SEMA3E: variants seen among roughly 807,000 people sequenced by gnomAD.
SEMA3E encodes semaphorin 3E, also known as semaphorin-3E.
A neutral mutation model predicts 93.6 loss-of-function variants in SEMA3E; 49 were observed. That is an observed-to-expected ratio of 0.52 (90% confidence interval 0.42 to 0.66). The LOEUF is 0.66. Among genes scored for constraint, SEMA3E ranks in the 30% least tolerant of loss-of-function variants. The probability of loss-of-function intolerance (pLI) is 0.00; values close to 1 mark genes in which losing one functional copy is unlikely to be tolerated. For missense variants in SEMA3E, 906 were observed against 964.8 expected (o/e 0.94, Z 0.81); for synonymous variants, 363 against 330.7 (o/e 1.10, Z -1.06).
intron 1 of SEMA3E, among the ~76,000 whole-genome samples, chr7:83,611,276 A>G (rs1275427672): frequency 6.9e-6 from 1 of 143,886 alleles, no homozygotes; most frequent in Admixed American, 7.2e-5. Context: ...ATAAATTTAT[A>G]TATTATATAT....
intron 1 of SEMA3E, among the ~76,000 whole-genome samples, chr7:83,528,546 A>G (rs966387136): frequency 1.3e-5 from 2 of 152,118 alleles, no homozygotes; most frequent in African/African-American, 4.8e-5. Flanking sequence ...TTATAAGTTC[A>G]ATTTACTATT....
At chr7:83,416,595 CTTT>C (rs1788545380) in intron 5 of SEMA3E, among the ~76,000 whole-genome samples, 1 of 151,944 alleles carries the variant, frequency 6.6e-6, no homozygotes, top group African/African-American at 2.4e-5. Flanking sequence ...TTCCAATTCC[CTTT>C]TTATGATTCT....
chr7:83,502,023 T>G (rs1485399180), intron 1 of SEMA3E, among the ~76,000 whole-genome samples: 1 of 152,188 alleles, frequency 6.6e-6, no homozygotes, highest in African/African-American at 2.4e-5. Flanking sequence ...CTTCTGAAAT[T>G]TAGCAAATTA....
At position 83,422,148 on chromosome 7, in the gene SEMA3E, G is replaced by A. The variant is rs1327979266; in HGVS notation, c.457-3665C>T. ...GCTGAGATCGTGCCATTGCACTCCAGACTGGGCAACAAGAGTGAAACTGTC... is the reference window on the plus strand; with the variant it reads ...GCTGAGATCGTGCCATTGCACTCCAAACTGGGCAACAAGAGTGAAACTGTC... On this transcript the variant is annotated intron_variant, in intron 4 of 16. Transcript: ENST00000643230. 2.6e-5 allele frequency among the ~76,000 whole-genome samples: 4 copies of A among 152,308 alleles called. No individual in the cohort carries two copies. The South Asian group carries it at 8.3e-4, about 32-fold the overall frequency.
At chr7:83,492,771 C>A (rs1277466924) in intron 1 of SEMA3E, among the ~76,000 whole-genome samples, 4 of 151,790 alleles carry the variant, frequency 2.6e-5, no homozygotes, top group Non-Finnish European at 5.9e-5. Context: ...AGCAAACAAC[C>A]ACTGTGTGAC....
At chr7:83,598,180 A>G (rs952386224) in intron 1 of SEMA3E, among the ~76,000 whole-genome samples, 9 of 152,186 alleles carry the variant, frequency 5.9e-5, no homozygotes, top group Non-Finnish European at 8.8e-5. Context: ...GGGGTAAGCT[A>G]GATCTACCTT....
intron 1 of SEMA3E, among the ~76,000 whole-genome samples, chr7:83,644,735 ATT>A (rs1268442551): frequency 1.3e-5 from 2 of 152,022 alleles, no homozygotes; most frequent in Non-Finnish European, 2.9e-5. Flanking sequence ...TATTTAATTG[ATT>A]ATAATACCCA....
chr7:83,431,085 GAAAAAAAAGA>G (rs1204680372), intron 4 of SEMA3E, among the ~76,000 whole-genome samples: 2 of 4,798 alleles, frequency 4.2e-4, no homozygotes, highest in Non-Finnish European at 1.3e-3. Flanking sequence ...CCAAAAAAAA[GAAAAAAAAGA>G]AAAAAAAAAA....
At chr7:83,410,500 G>A (rs1369599370) in intron 5 of SEMA3E, among the ~76,000 whole-genome samples, 2 of 151,974 alleles carry the variant, frequency 1.3e-5, no homozygotes, top group Non-Finnish European at 2.9e-5. Flanking sequence ...GAACTCTTAA[G>A]CATATCATGT....
chr7:83,382,764 A>C (rs1218736967), intron 16 of SEMA3E, among the ~76,000 whole-genome samples: 1 of 151,762 alleles, frequency 6.6e-6, no homozygotes, highest in Non-Finnish European at 1.5e-5. Flanking sequence ...CTTATAAATA[A>C]AATATATAGA....
chr7:83,545,817 A>T (rs904164711), intron 1 of SEMA3E, among the ~76,000 whole-genome samples: 6 of 146,480 alleles, frequency 4.1e-5, no homozygotes, highest in South Asian at 2.1e-4. Context: ...ATCCAGTATT[A>T]TATATATATA....
chr7:83,624,570 G>C (rs1793630755), intron 1 of SEMA3E, among the ~76,000 whole-genome samples: 1 of 151,804 alleles, frequency 6.6e-6, no homozygotes, highest in South Asian at 2.1e-4. Flanking sequence ...TGATGGGGTT[G>C]TTTTTTTATT....
intron 1 of SEMA3E, among the ~76,000 whole-genome samples, chr7:83,501,812 A>G (rs1335965553): frequency 1.3e-5 from 2 of 152,202 alleles, no homozygotes; most frequent in Non-Finnish European, 2.9e-5. Flanking sequence ...TGTTTTCTCT[A>G]GTTAATAATC....
At chr7:83,638,955 C>CA (rs1383529728) in intron 1 of SEMA3E, among the ~76,000 whole-genome samples, 1 of 150,522 alleles carries the variant, frequency 6.6e-6, no homozygotes, top group East Asian at 2.0e-4. Context: ...ACTAAAAATA[C>CA]AAAAAATTAG....
chr7:83,413,618 T>G (rs1220171351), intron 5 of SEMA3E, among the ~76,000 whole-genome samples: 1 of 152,174 alleles, frequency 6.6e-6, no homozygotes, highest in African/African-American at 2.4e-5. Context: ...CTGCTTAGGA[T>G]GCTGAAAGAA....
At chr7:83,639,139 A>AAAAAAAAAAAAC (rs1562866068) in intron 1 of SEMA3E, among the ~76,000 whole-genome samples, 9 of 108,914 alleles carry the variant, frequency 8.3e-5, no homozygotes, top group African/African-American at 2.9e-4. Flanking sequence ...AAAAAAAAAA[A>AAAAAAAAAAAAC]ACAGAGATTC....
intron 1 of SEMA3E, among the ~76,000 whole-genome samples, chr7:83,547,343 G>A (rs537792862): frequency 3.3e-5 from 5 of 152,120 alleles, no homozygotes; most frequent in South Asian, 2.1e-4. Flanking sequence ...CTAGTTCATC[G>A]AGATGCTGTC....
intron 1 of SEMA3E, among the ~76,000 whole-genome samples, chr7:83,550,375 G>A (rs1326773029): frequency 2.6e-5 from 4 of 152,046 alleles, no homozygotes; most frequent in African/African-American, 9.7e-5. Context: ...GATATCAGTG[G>A]AATGCTGACA....
At chr7:83,641,776 T>C (rs1180650938) in intron 1 of SEMA3E, among the ~76,000 whole-genome samples, 1 of 152,158 alleles carries the variant, frequency 6.6e-6, no homozygotes, top group Non-Finnish European at 1.5e-5. Context: ...TGATTGCTTT[T>C]AGAATAAAAA....
Sources: gnomAD v4.1 joint callset for allele counts (sites outside exome capture counted in the v4.1 genomes callset) on GRCh38, gnomAD v4.1.1 for gene constraint, MANE v1.5 for transcripts, NCBI Gene and HGNC (gene_info 2026-07-23, HGNC 2026-07-21) for gene names.